The following DPH6 variants were observed in gnomAD, a reference collection of about 807,000 sequenced individuals.
The protein encoded by DPH6 is diphthine--ammonia ligase.
A neutral mutation model predicts 38.2 loss-of-function variants in DPH6; 33 were observed. That is an observed-to-expected ratio of 0.86 (90% CI 0.65 to 1.15). The LOEUF is 1.15. Ranked by LOEUF, DPH6 falls within the 50% of genes most tolerant of loss-of-function variation. DPH6 has a pLI of 0.00. For missense variants in DPH6, 325 were observed against 320.0 expected, an observed-to-expected ratio of 1.02 and a Z score of -0.12; for synonymous variants, 108 against 103.0, an observed-to-expected ratio of 1.05 and a Z score of -0.30.
In DPH6 at chr15:35,350,456, G is replaced by T. The variant is rs143213065; in HGVS notation, n.208-19379C>A. ...TTACTTTCTGCTCTAACATTTGTTA[G>T]TTTCTTCCTTCTATTAACTTTGAGT... On this transcript the variant is annotated intron_variant and non_coding_transcript_variant, in intron 3 of 3. Transcript: ENST00000558973. Among the ~76,000 whole-genome samples, 523 of 151,514 alleles carry T rather than the reference G, an allele frequency of 3.5e-3. 3 individuals are homozygous for T. The highest frequency in any genetic ancestry group is 0.012 in the African/African-American group (483 of 41,336).
intron 3 of DPH6, among the ~76,000 whole-genome samples, chr15:35,264,081 A>G (rs996582374): frequency 1.4e-5 from 2 of 141,566 alleles, no homozygotes; most frequent in African/African-American, 4.9e-5. Flanking sequence ...ATTCACTCAT[A>G]TGGATTTAAG....
chr15:35,412,929 C>T (rs564980886), intron 5 of DPH6, among the ~76,000 whole-genome samples: 9 of 151,670 alleles, frequency 5.9e-5, no homozygotes, highest in Admixed American at 2.6e-4. Context: ...ATACATCTGT[C>T]GAAGCCTGTA....
chr15:35,521,790 A>C (rs1382654685), intron 3 of DPH6: 1 of 1,238,866 alleles, frequency 8.1e-7, no homozygotes, highest in African/African-American at 1.6e-5. Context: ...TTCATATACA[A>C]GCATTTTACT....
intron 3 of DPH6, among the ~76,000 whole-genome samples, chr15:35,351,315 GATAGC>G (rs539673711): frequency 9.7e-4 from 148 of 152,186 alleles, no homozygotes; most frequent in Admixed American, 4.0e-3. Context: ...GTCTCTCATA[GATAGC>G]ATATAGTTGG....
rs530225654 is a variant in DPH6 at position 35,271,074 on chromosome 15, C to T, written n.201-50492G>A. Among the ~76,000 whole-genome samples, 15 of 152,248 alleles carry T rather than the reference C, an allele frequency of 9.9e-5. No individual in the cohort carries two copies. In the South Asian group the frequency reaches 3.1e-3, roughly 32 times the overall value. ...TTAGAATTGAGGTAGGGTATAAATA[C>T]GTCCAGGAAACCACTGACAGCCAAA... On this transcript the variant is annotated intron_variant and non_coding_transcript_variant, in intron 3 of 3. Transcript: ENST00000560386.
At chr15:35,206,630 G>A in the DPH6 span, among the ~76,000 whole-genome samples, 1 of 152,168 alleles carries the variant, frequency 6.6e-6, no homozygotes, top group Non-Finnish European at 1.5e-5. Flanking sequence ...AGATAAGTAA[G>A]CACAAAGCCT....
intron 6 of DPH6, among the ~76,000 whole-genome samples, chr15:35,393,586 T>C (rs2053088608): frequency 6.6e-6 from 1 of 152,172 alleles, no homozygotes; most frequent in African/African-American, 2.4e-5. Flanking sequence ...GATTCTTTTC[T>C]GTATCCTTGT....
intron 3 of DPH6, among the ~76,000 whole-genome samples, chr15:35,301,827 A>G (rs977717453): frequency 4.6e-5 from 7 of 152,076 alleles, no homozygotes; most frequent in Non-Finnish European, 8.8e-5. Flanking sequence ...ATAAAAAATT[A>G]GCTGGGTGTG....
chr15:35,431,428 G>T (rs2053631238), intron 5 of DPH6, among the ~76,000 whole-genome samples: 1 of 151,986 alleles, frequency 6.6e-6, no homozygotes, highest in South Asian at 2.1e-4. Flanking sequence ...GTTAACGAGT[G>T]ATTAAATCAG....
chr15:35,241,764 T>C (rs1228343525), intron 3 of DPH6, among the ~76,000 whole-genome samples: 1 of 142,904 alleles, frequency 7.0e-6, no homozygotes, highest in Middle Eastern at 3.6e-3. Context: ...AATGCCAATA[T>C]CTCATCCCAC....
At chr15:35,185,127 T>C in the DPH6 span, among the ~76,000 whole-genome samples, 1,025 of 152,056 alleles carry the variant, frequency 6.7e-3, 19 homozygotes, top group Non-Finnish European at 0.011. Context: ...AAAAAAATAG[T>C]GCTCTCTAGT....
At chr15:35,341,462 T>A (rs2140878261) in intron 3 of DPH6, among the ~76,000 whole-genome samples, 1 of 152,324 alleles carries the variant, frequency 6.6e-6, no homozygotes, top group Non-Finnish European at 1.5e-5. Flanking sequence ...CATTTTTAGT[T>A]TTCAGTGTTT....
At chr15:35,161,907 C>T in the DPH6 span, among the ~76,000 whole-genome samples, 2 of 151,872 alleles carry the variant, frequency 1.3e-5, no homozygotes. Context: ...GACTAATACA[C>T]TCCTCTTTGC....
chr15:35,489,836 A>G, intron 3 of DPH6: 1 of 977,976 alleles, frequency 1.0e-6, no homozygotes, highest in Non-Finnish European at 1.2e-6. Flanking sequence ...TACTTTTAAA[A>G]GGAATATTAA....
At chr15:35,473,436 C>G (rs567900495) in intron 3 of DPH6, among the ~76,000 whole-genome samples, 1 of 152,232 alleles carries the variant, frequency 6.6e-6, no homozygotes, top group South Asian at 2.1e-4. Flanking sequence ...AATAACATAA[C>G]TATGTTAAAA....
downstream of DPH6, among the ~76,000 whole-genome samples, chr15:35,328,276 T>C (rs560677510): frequency 1.3e-5 from 2 of 152,318 alleles, no homozygotes; most frequent in East Asian, 1.9e-4. Flanking sequence ...TTTCTCCTTC[T>C]TTCTGCCATC....
At chr15:35,494,061 A>T (rs1399464744) in intron 3 of DPH6, among the ~76,000 whole-genome samples, 2 of 152,044 alleles carry the variant, frequency 1.3e-5, no homozygotes, top group Non-Finnish European at 2.9e-5. Flanking sequence ...ATCTTTCTGT[A>T]TCTTACTTAG....
the DPH6 span, among the ~76,000 whole-genome samples, chr15:35,159,397 T>G: frequency 5.3e-5 from 8 of 151,974 alleles, no homozygotes; most frequent in South Asian, 1.7e-3. Flanking sequence ...GGCTGCAGTA[T>G]CTCTCATTTA....
chr15:35,434,670 G>T (rs1595559769), intron 5 of DPH6, among the ~76,000 whole-genome samples: 2 of 152,162 alleles, frequency 1.3e-5, no homozygotes, highest in African/African-American at 4.8e-5. Context: ...AAGAAAGGTT[G>T]CAGTGGTCCT....
Sources: gnomAD v4.1 joint callset for allele counts (sites outside exome capture counted in the v4.1 genomes callset) on GRCh38, gnomAD v4.1.1 for gene constraint, MANE v1.5 for transcripts, NCBI Gene and HGNC (gene_info 2026-07-23, HGNC 2026-07-21) for gene names.